The following KDM6A variants were observed in gnomAD, a reference collection of about 807,000 sequenced individuals.
The protein encoded by KDM6A is lysine demethylase 6A, also known as lysine-specific demethylase 6A.
KDM6A carries 11 observed loss-of-function variants against 117.6 expected under a neutral mutation model. The ratio of observed to expected loss-of-function variants is 0.09; its 90% CI spans 0.06 to 0.15. The LOEUF (loss-of-function observed/expected upper bound fraction) is 0.15. Ranked by LOEUF, KDM6A falls within the 10% of genes least tolerant of loss-of-function variation. The pLI, the probability that KDM6A is intolerant of heterozygous loss-of-function variation, is 1.00. For missense variants in KDM6A, 799 were observed against 1,077.3 expected (o/e 0.74, Z 3.62); for synonymous variants, 384 against 396.1 (o/e 0.97, Z 0.36).
intron 2 of KDM6A, among the ~76,000 whole-genome samples, chrX:44,913,907 T>C (rs1202504439): frequency 9.0e-6 from 1 of 111,565 alleles, no homozygotes; most frequent in East Asian, 2.8e-4. Context: ...CTTCCTTTTC[T>C]TTCTTTCTTC....
chrX:44,996,184 C>CT (rs1256389409), intron 4 of KDM6A, among the ~76,000 whole-genome samples: 1 of 110,308 alleles, frequency 9.1e-6, no homozygotes, highest in Non-Finnish European at 1.9e-5. Context: ...TCAAACAGTC[C>CT]TTTTTAGCCT....
intron 10 of KDM6A, among the ~76,000 whole-genome samples, chrX:45,057,439 CTCTTA>C (rs1167706336): frequency 9.0e-6 from 1 of 111,483 alleles, no homozygotes; most frequent in Non-Finnish European, 1.9e-5. Context: ...TTTCTTGTTT[CTCTTA>C]TCTTTTTTTT....
chrX:45,040,696 G>A (rs1347197525), intron 8 of KDM6A, among the ~76,000 whole-genome samples: 1 of 72,204 alleles, frequency 1.4e-5, no homozygotes, highest in Non-Finnish European at 2.6e-5. Flanking sequence ...CCTCCCTCCC[G>A]GACGGGGCGG....
At chrX:45,071,387 C>A (rs183337291) in intron 18 of KDM6A, among the ~76,000 whole-genome samples, 1 of 111,782 alleles carries the variant, frequency 8.9e-6, no homozygotes, top group East Asian at 2.8e-4. Flanking sequence ...TTATTTATAG[C>A]CATATAAACC....
In KDM6A at chrX:44,877,220, T is replaced by A. The variant is rs975251078; in HGVS notation, c.225+3233T>A. On this transcript the variant is annotated intron_variant, in intron 2 of 29. Transcript: ENST00000611820. ...GTTATATTAGAGTCATTGAAAGAAT[T>A]TTTTGTTTGTAGGATGGCCATTTGA... is the stretch of plus-strand genomic sequence containing the variant. 2.7e-5 allele frequency among the ~76,000 whole-genome samples: 3 copies of A among 111,885 alleles called. No individual in the cohort carries two copies. The South Asian group carries it at 1.1e-3, about 41-fold the overall frequency.
chrX:45,061,399 T>C lies in KDM6A; in HGVS notation c.1561T>C (p.Leu521=), dbSNP rs1178061408. 1.7e-6 allele frequency: 2 copies of C among 1,147,383 alleles called. No homozygotes were observed. The highest frequency in any genetic ancestry group is 2.4e-4 in the Middle Eastern group (1 of 4,185). 94.6% of individuals were successfully genotyped at this position (1,147,383 alleles called of 1,213,427 possible). Residue 521 remains leucine, a synonymous_variant, in exon 15 of 30, where the codon TTG becomes CTG. Transcript: ENST00000611820. ...ACAGCAACAAGCTCATTCATGGTGTTTGACACCACAGAAATTACAGGTATG... is the reference window on the plus strand; with the variant it reads ...ACAGCAACAAGCTCATTCATGGTGTCTGACACCACAGAAATTACAGGTATG... ...PVQQQAHSWC[L]TPQKLQHLEQ...
chrX:45,025,285 C>T (rs1449865351), intron 6 of KDM6A, among the ~76,000 whole-genome samples: 1 of 111,496 alleles, frequency 9.0e-6, no homozygotes, highest in Non-Finnish European at 1.9e-5. Context: ...GTCTCAGCCT[C>T]CCGAGTAGCT....
intron 2 of KDM6A, among the ~76,000 whole-genome samples, chrX:44,952,521 C>T (rs1421888769): frequency 9.0e-6 from 1 of 110,805 alleles, no homozygotes; most frequent in African/African-American, 3.3e-5. Flanking sequence ...GATCAACCCG[C>T]CTCGGCCTCC....
intron 2 of KDM6A, among the ~76,000 whole-genome samples, chrX:44,886,665 A>T (rs1052039076): frequency 2.8e-5 from 3 of 107,153 alleles, no homozygotes; most frequent in African/African-American, 6.8e-5. Context: ...GATTTTGTGT[A>T]TTTTTAGTAG....
intron 2 of KDM6A, among the ~76,000 whole-genome samples, chrX:44,930,800 C>T (rs1323850883): frequency 9.0e-6 from 1 of 111,599 alleles, no homozygotes; most frequent in Non-Finnish European, 1.9e-5. Context: ...CTCTTATGTA[C>T]CTGGAATTAA....
Position 45,042,007 on chromosome X carries a change from C to T in KDM6A, c.654+4318C>T, listed in dbSNP as rs1324917049. ...GACTCCGTCTGCAATCCCGGCACCT[C>T]GGGAGGCCGAGGCTGGCGGATCACT... On this transcript the variant is annotated intron_variant, in intron 8 of 29. Transcript: ENST00000611820. Among the ~76,000 whole-genome samples the T allele has an allele frequency of 4.5e-5, 5 of 110,316 alleles. No homozygotes were observed. In the South Asian group the frequency reaches 1.2e-3, roughly 26 times the overall value.
chrX:44,939,940 T>G (rs2037196359), intron 2 of KDM6A, among the ~76,000 whole-genome samples: 1 of 112,680 alleles, frequency 8.9e-6, no homozygotes, highest in Admixed American at 9.4e-5. Context: ...AACATAATTT[T>G]TATATGCACT....
At chrX:44,950,590 G>A (rs1355700186) in intron 2 of KDM6A, among the ~76,000 whole-genome samples, 1 of 110,581 alleles carries the variant, frequency 9.0e-6, no homozygotes, top group Non-Finnish European at 1.9e-5. Context: ...GTGAGTGTGT[G>A]TGTGTGTGTG....
chrX:44,925,934 A>C (rs2036278724), intron 2 of KDM6A, among the ~76,000 whole-genome samples: 2 of 112,185 alleles, frequency 1.8e-5, no homozygotes, highest in African/African-American at 6.5e-5. Flanking sequence ...CAAAATTAGT[A>C]ATACACTAAT....
intron 2 of KDM6A, among the ~76,000 whole-genome samples, chrX:44,936,084 A>T (rs2036951255): frequency 8.9e-6 from 1 of 112,366 alleles, no homozygotes; most frequent in Non-Finnish European, 1.9e-5. Flanking sequence ...AAAAGTTTGA[A>T]ATAAATGTGT....
chrX:44,907,481 CTTTT>C (rs1157850343), intron 2 of KDM6A, among the ~76,000 whole-genome samples: 1 of 73,147 alleles, frequency 1.4e-5, no homozygotes, highest in African/African-American at 5.1e-5. Flanking sequence ...TTTTTTTTTT[CTTTT>C]TTTTTTTTTT....
intron 2 of KDM6A, among the ~76,000 whole-genome samples, chrX:44,932,519 AT>A (rs1472868999): frequency 8.9e-6 from 1 of 111,939 alleles, no homozygotes; most frequent in Non-Finnish European, 1.9e-5. Flanking sequence ...AAGCAACATA[AT>A]TCATGATAGA....
At chrX:45,047,353 C>T (rs1438049511) in intron 8 of KDM6A, among the ~76,000 whole-genome samples, 2 of 102,535 alleles carry the variant, frequency 2.0e-5, no homozygotes, top group African/African-American at 7.7e-5. Context: ...GCTATTGCCT[C>T]AAACATCTTA....
chrX:44,893,423 T>C (rs1384603134), intron 2 of KDM6A, among the ~76,000 whole-genome samples: 1 of 111,415 alleles, frequency 9.0e-6, no homozygotes, highest in African/African-American at 3.3e-5. Context: ...TAAATGTAAA[T>C]TTCCAGGTCT....
Sources: gnomAD v4.1 joint callset for allele counts (sites outside exome capture counted in the v4.1 genomes callset) on GRCh38, gnomAD v4.1.1 for gene constraint, MANE v1.5 for transcripts, NCBI Gene and HGNC (gene_info 2026-07-23, HGNC 2026-07-21) for gene names.